Variants in IDH2 observed in about 807,000 individuals in gnomAD.
IDH2 encodes the protein isocitrate dehydrogenase [NADP], mitochondrial.
In IDH2, 18 loss-of-function variants were observed where a neutral mutation model predicts 50.5. That is an observed-to-expected ratio of 0.36 (90% CI 0.25 to 0.53). IDH2 has a LOEUF of 0.53. Ranked by LOEUF, IDH2 falls within the 20% of genes least tolerant of loss-of-function variation. The pLI is 0.92. For synonymous variants in IDH2, 280 were observed against 239.8 expected, an observed-to-expected ratio of 1.17 and a Z score of -1.55; for missense variants, 518 against 610.7, an observed-to-expected ratio of 0.85 and a Z score of 1.60.
rs2151551271 is a variant in IDH2 at position 90,090,550 on chromosome 15, G to A, written c.302C>T (p.Ala101Val). The change falls in exon 3 of 11, where the codon GCA becomes GTA. Residue 101 changes from alanine to valine, a missense_variant. This residue lies in a region of IDH2 where 68 missense variants were observed against 109.7 expected (regional missense o/e 0.62). Coordinates refer to ENST00000330062, the MANE Select transcript of IDH2 (RefSeq NM_002168.4). ...CACACTGTACTTCTGGGTGGCCAGT[G>A]CAGAGTCAATGGTGACCTGGTCATC... Reference protein sequence around the residue: ...QTDDQVTIDSALATQKYSVAV... With the variant: ...QTDDQVTIDSVLATQKYSVAV... 6.2e-7 allele frequency: 1 copy of A among 1,614,208 alleles called. No homozygotes were observed. Among genetic ancestry groups the A allele is most frequent in the Non-Finnish European group, 8.5e-7 (1 of 1,180,040 alleles).
chr15:90,098,323 G>A lies in IDH2; in HGVS notation c.115+3953C>T, dbSNP rs945456345. 4.6e-5 allele frequency among the ~76,000 whole-genome samples: 7 copies of A among 152,160 alleles called. No individual in the cohort carries two copies. The highest frequency in any genetic ancestry group is 1.0e-4 in the Non-Finnish European group (7 of 68,032). ...CCCTGGCTTCTTGCTGCTCCCAGCAGGAGGCTAGAGGTCCAGCCGCAGGCA... is the reference window on the plus strand; with the variant it reads ...CCCTGGCTTCTTGCTGCTCCCAGCAAGAGGCTAGAGGTCCAGCCGCAGGCA... On this transcript the variant is annotated intron_variant, in intron 1 of 10. Coordinates refer to ENST00000330062, the MANE Select transcript of IDH2 (RefSeq NM_002168.4). The surrounding 1 kb of genome is among the most constrained non-coding windows in gnomAD (Gnocchi z 5.1).
Position 90,084,724 on chromosome 15 carries a change from GC to G in IDH2, c.1271+91del. 9.5e-7 allele frequency: 1 copy of G among 1,056,218 alleles called. No homozygotes were observed. Among genetic ancestry groups the G allele is most frequent in the Non-Finnish European group, 1.5e-6 (1 of 683,096 alleles). 65.4% of individuals were successfully genotyped at this position (1,056,218 alleles called of 1,614,324 possible). On this transcript the variant is annotated intron_variant, in intron 10 of 10. Transcript: ENST00000330062. This position sits in a 1 kb window ranked among gnomAD's most constrained non-coding sequence, Gnocchi z 5.0. The stretch of plus-strand genomic sequence containing the variant: ...ATGTCCTGCCCCAGGCCCCCTTGCA[GC>G]TAAGCTGACTCATGAGGGGGACTTT...
Position 90,088,589 on chromosome 15 carries a change from G to A in IDH2, c.532C>T (p.Gln178Ter), listed in dbSNP as rs763369478. 9.3e-6 allele frequency: 15 copies of A among 1,614,110 alleles called. No individual in the cohort carries two copies. The highest frequency in any genetic ancestry group is 2.5e-6 in the Non-Finnish European group (3 of 1,180,050). ...ATCCCCTCTCCACCCTGGCCTACCT[G>A]GTCGCCATGGGCGTGCCTGCCAATG... Reference protein sequence around the residue: ...ITIGRHAHGDQYKATDFVADR... With the variant: ...ITIGRHAHGD The change falls in exon 4 of 11, where the codon CAG becomes TAG. Residue 178 changes from glutamine to a stop codon, truncating the protein, a stop_gained and splice_region_variant. Transcript: ENST00000330062. LOFTEE classifies it high-confidence loss of function.
chr15:90,084,949 G>A lies in IDH2; in HGVS notation c.1179-41C>T, dbSNP rs970708194. The A allele has an allele frequency of 6.2e-7, 1 of 1,607,208 alleles. No homozygotes were observed. The highest frequency in any genetic ancestry group is 1.1e-5 in the South Asian group (1 of 90,964). ...AGAATGAGACCCCATCTGTGCAAGG[G>A]CAGGACCCAGAGCCTGTCCTGGGCA... On this transcript the variant is annotated intron_variant, in intron 9 of 10. Coordinates refer to ENST00000330062, the MANE Select transcript of IDH2 (RefSeq NM_002168.4). This position sits in a 1 kb window ranked among gnomAD's most constrained non-coding sequence, Gnocchi z 5.0.
intron 1 of IDH2, among the ~76,000 whole-genome samples, chr15:90,097,859 A>G (rs1399116199): frequency 6.6e-6 from 1 of 152,180 alleles, no homozygotes; most frequent in Admixed American, 6.6e-5. Context: ...AAACCAGTCA[A>G]AAAAAATCAG....
chr15:90,090,061 T>G (rs1900991600), intron 3 of IDH2, among the ~76,000 whole-genome samples: 1 of 147,754 alleles, frequency 6.8e-6, no homozygotes, highest in South Asian at 2.2e-4. Context: ...AAGCCATCCT[T>G]ACTGTGACCA....
At chr15:90,095,309 T>C (rs1209603502) in intron 1 of IDH2, among the ~76,000 whole-genome samples, 1 of 152,062 alleles carries the variant, frequency 6.6e-6, no homozygotes, top group Non-Finnish European at 1.5e-5. Context: ...CAAGACGCGA[T>C]GGGGATTTTG....
At position 90,091,609 on chromosome 15, in the gene IDH2, C is replaced by A. The variant is rs1901038186; in HGVS notation, c.151G>T (p.Val51Leu). 1.2e-6 allele frequency: 2 copies of A among 1,614,134 alleles called. No individual in the cohort carries two copies. Among genetic ancestry groups the A allele is most frequent in the African/African-American group, 2.7e-5 (2 of 74,936 alleles). Residue 51 changes from valine (V) to leucine (L), a missense_variant, in exon 2 of 11, where the codon GTG (valine) becomes TTG (leucine). By Grantham distance (32) the Val-to-Leu change is conservative. This residue lies in a region of IDH2 where 68 missense variants were observed against 109.7 expected (regional missense o/e 0.62). Coordinates refer to ENST00000330062, the MANE Select transcript of IDH2 (RefSeq NM_002168.4). ...GTCATCTCATCACCATCCATCTCCA[C>A]CACGGGCTTCGCCACCTTGATCCTT... ...DKRIKVAKPV[V>L]EMDGDEMTRI...
rs769710458 is a variant in IDH2 at position 90,091,518 on chromosome 15, C to T, written c.207+35G>A. ...GACAGAACAATCCCTGGCCAGCCCA[C>T]CTGGAGAGCCACCCACTTCAGGAGG... is the stretch of plus-strand genomic sequence containing the variant. On this transcript the variant is annotated intron_variant, in intron 2 of 10. Transcript: ENST00000330062. 7.7e-6 allele frequency: 12 copies of T among 1,554,268 alleles called. No homozygotes were observed. The African/African-American group carries it at 8.1e-5, about 11-fold the overall frequency.
Position 90,091,494 on chromosome 15 carries a change from A to C in IDH2, c.207+59T>G. The stretch of plus-strand genomic sequence containing the variant: ...CCTGCAGTCCAGAAGACCCTGTGGG[A>C]CAGAACAATCCCTGGCCAGCCCACC... On this transcript the variant is annotated intron_variant, in intron 2 of 10. Coordinates refer to ENST00000330062, the MANE Select transcript of IDH2 (RefSeq NM_002168.4). The C allele has an allele frequency of 2.3e-6, 3 of 1,331,678 alleles. No homozygotes were observed. The South Asian group carries it at 3.5e-5, about 16-fold the overall frequency. 82.5% of individuals were successfully genotyped at this position (1,331,678 alleles called of 1,614,324 possible). A position where few individuals can be genotyped will look rare whatever the true frequency, so the allele number is the denominator to read the frequency against.
At chr15:90,092,946 C>T (rs543660080) in intron 1 of IDH2, among the ~76,000 whole-genome samples, 200 of 152,278 alleles carry the variant, frequency 1.3e-3, no homozygotes, top group African/African-American at 4.4e-3. Context: ...CTCCCCACCC[C>T]ACCCCCACTT....
intron 3 of IDH2, among the ~76,000 whole-genome samples, chr15:90,089,566 G>A (rs1316044922): frequency 1.3e-5 from 2 of 152,196 alleles, no homozygotes; most frequent in Non-Finnish European, 2.9e-5. Context: ...AGGTTCAGGT[G>A]AAATGAAGAG....
chr15:90,088,797 C>G (rs748512815), intron 3 of IDH2, 50 bp from the exon 4 acceptor site: 15 of 1,607,218 alleles, frequency 9.3e-6, no homozygotes, highest in Non-Finnish European at 1.7e-6. Context: ...CATCTTTCAA[C>G]CAGAATTTGA....
In IDH2 at chr15:90,102,292, C is replaced by T; in HGVS notation, c.99G>A (p.Glu33=). 1 of 1,329,124 alleles carries T rather than the reference C, an allele frequency of 7.5e-7. No homozygotes were observed. The highest frequency in any genetic ancestry group is 9.7e-7 in the Non-Finnish European group (1 of 1,029,260). 82.3% of individuals were successfully genotyped at this position (1,329,124 alleles called of 1,614,324 possible). ...GGCACTCACAGTGGCGCCGCGGCTG[C>T]TCTTGCGAGGTGGGGGCTGTCAGGG... The part of the protein sequence containing the change: ...PAALTAPTSQ[E]QPRRHYADKR... Residue 33 remains glutamate (E), a synonymous_variant, in exon 1 of 11, where the codon GAG becomes GAA. Transcript: ENST00000330062.
At chr15:90,096,786 C>T (rs573486969) in intron 1 of IDH2, among the ~76,000 whole-genome samples, 2 of 151,974 alleles carry the variant, frequency 1.3e-5, no homozygotes, top group African/African-American at 2.4e-5. Flanking sequence ...TGGTGGCAGG[C>T]GCCTGTAGTC....
chr15:90,084,722 C>T lies in IDH2; in HGVS notation c.1271+94G>A, dbSNP rs943756178. On this transcript the variant is annotated intron_variant, in intron 10 of 10. Transcript: ENST00000330062. The surrounding 1 kb of genome is among the most constrained non-coding windows in gnomAD (Gnocchi z 5.0). ...ACATGTCCTGCCCCAGGCCCCCTTG[C>T]AGCTAAGCTGACTCATGAGGGGGAC... 2.9e-6 allele frequency: 3 copies of T among 1,023,650 alleles called. No homozygotes were observed. Among genetic ancestry groups the T allele is most frequent in the East Asian group, 2.4e-5 (1 of 42,300 alleles). The allele number at this position is 1,023,650 out of a possible 1,614,324, so 63.4% of individuals were successfully genotyped here.
At chr15:90,090,731 G>T (rs2151551421) in intron 2 of IDH2, 87 bp from the exon 3 acceptor site, 2 of 1,382,162 alleles carry the variant, frequency 1.4e-6, no homozygotes, top group Middle Eastern at 1.8e-4. Flanking sequence ...TGCAGGCCAT[G>T]GCAGGGGACA....
At chr15:90,094,286 C>T (rs544644089) in intron 1 of IDH2, among the ~76,000 whole-genome samples, 1 of 152,218 alleles carries the variant, frequency 6.6e-6, no homozygotes, top group Non-Finnish European at 1.5e-5. Context: ...TGAATCAGTA[C>T]AGCTGCCTTG....
chr15:90,090,398 A>C, intron 3 of IDH2, 81 bp downstream of exon 3: 1 of 1,495,324 alleles, frequency 6.7e-7, no homozygotes, highest in East Asian at 2.4e-5. Context: ...GACATGGCCA[A>C]CTGCCCCACC....
Sources: allele counts gnomAD v4.1 joint callset (sites outside exome capture counted in the v4.1 genomes callset), GRCh38; gene constraint gnomAD v4.1.1; regional missense constraint gnomAD v4.1.1; non-coding constraint Gnocchi (gnomAD v3.1); transcripts MANE v1.5; gene names NCBI Gene and HGNC (gene_info 2026-07-23, HGNC 2026-07-21).